Variants in MRPL1 observed in about 807,000 individuals in gnomAD.
MRPL1 encodes the protein mitochondrial ribosomal protein L1.
In MRPL1, 28 loss-of-function variants were observed where a neutral mutation model predicts 38.0. That is an observed-to-expected ratio of 0.74 (90% CI 0.55 to 1.01). The LOEUF is 1.01. Among genes scored for constraint, MRPL1 ranks in the 50% least tolerant of loss-of-function variants. The pLI is 0.00. For missense variants in MRPL1, 358 were observed against 389.8 expected, an observed-to-expected ratio of 0.92 and a Z score of 0.69; for synonymous variants, 123 against 126.7, an observed-to-expected ratio of 0.97 and a Z score of 0.20.
chr4:77,906,273 G>A (rs535890346), intron 6 of MRPL1, among the ~76,000 whole-genome samples: 1 of 152,238 alleles, frequency 6.6e-6, no homozygotes, highest in Admixed American at 6.5e-5. Flanking sequence ...TCAAGTCAGA[G>A]GAACACTGAG....
intron 1 of MRPL1, among the ~76,000 whole-genome samples, chr4:77,868,217 C>T (rs1334633219): frequency 1.3e-5 from 2 of 151,992 alleles, no homozygotes; most frequent in African/African-American, 2.4e-5. Context: ...CACGTGTCAC[C>T]ATGCCCAGCT....
intron 7 of MRPL1, among the ~76,000 whole-genome samples, chr4:77,919,865 G>A (rs929630600): frequency 6.6e-6 from 1 of 151,876 alleles, no homozygotes; most frequent in Non-Finnish European, 1.5e-5. Flanking sequence ...GTGTGTGTGT[G>A]TGTTTTCTAG....
chr4:77,881,212 T>C (rs75156403), intron 2 of MRPL1, among the ~76,000 whole-genome samples: 18,575 of 152,162 alleles, frequency 0.12, 1,588 homozygotes, highest in Non-Finnish European at 0.18. Context: ...AGGGCTTGAA[T>C]GGAAAGGAGG....
At chr4:77,906,605 G>C (rs1560467036) in intron 6 of MRPL1, among the ~76,000 whole-genome samples, 1 of 152,120 alleles carries the variant, frequency 6.6e-6, no homozygotes, top group Non-Finnish European at 1.5e-5. Flanking sequence ...GCCTTTGTTA[G>C]GGGCATAGAC....
At chr4:77,904,835 A>G (rs1397190698) in intron 6 of MRPL1, among the ~76,000 whole-genome samples, 3 of 152,244 alleles carry the variant, frequency 2.0e-5, no homozygotes, top group Non-Finnish European at 4.4e-5. Flanking sequence ...TCAAACACAG[A>G]AATTAATCCA....
chr4:77,867,763 T>C, intron 1 of MRPL1, among the ~76,000 whole-genome samples: 1 of 146,276 alleles, frequency 6.8e-6, no homozygotes, highest in Non-Finnish European at 1.5e-5. Context: ...TTTTTTTTTT[T>C]TTTTTTTTTT....
intron 7 of MRPL1, among the ~76,000 whole-genome samples, chr4:77,923,592 A>G (rs1461740961): frequency 6.6e-6 from 1 of 152,136 alleles, no homozygotes; most frequent in Non-Finnish European, 1.5e-5. Context: ...ATAGTAAAAA[A>G]TAATTTTTGT....
chr4:77,868,528 A>T (rs1201026250), intron 1 of MRPL1, among the ~76,000 whole-genome samples: 1 of 152,210 alleles, frequency 6.6e-6, no homozygotes, highest in African/African-American at 2.4e-5. Flanking sequence ...GGCATGAGCC[A>T]CCACGCCCGA....
chr4:77,867,585 T>G (rs1735174675), intron 1 of MRPL1, among the ~76,000 whole-genome samples: 1 of 152,102 alleles, frequency 6.6e-6, no homozygotes, highest in East Asian at 1.9e-4. Context: ...GGGGTCTCAC[T>G]ATGTTGCCCA....
At chr4:77,911,980 A>C (rs1736299696) in intron 7 of MRPL1, among the ~76,000 whole-genome samples, 2 of 152,178 alleles carry the variant, frequency 1.3e-5, no homozygotes, top group Non-Finnish European at 2.9e-5. Context: ...AAGAAAGTAA[A>C]AAACAAAAGC....
At chr4:77,877,643 G>C (rs2110232285) in intron 2 of MRPL1, among the ~76,000 whole-genome samples, 1 of 148,696 alleles carries the variant, frequency 6.7e-6, no homozygotes, top group Non-Finnish European at 1.5e-5. Flanking sequence ...AGTAGGCCCA[G>C]TGCAGCTGGA....
At chr4:77,873,924 A>G (rs59899206) in intron 2 of MRPL1, among the ~76,000 whole-genome samples, 51 of 152,022 alleles carry the variant, frequency 3.4e-4, no homozygotes, top group African/African-American at 1.2e-3. Flanking sequence ...GTCTGTGCAT[A>G]TGTAAGTACA....
At chr4:77,893,989 G>A in intron 5 of MRPL1, 150 bp from the exon 6 acceptor site, 1 of 562,756 alleles carries the variant, frequency 1.8e-6, no homozygotes, top group Non-Finnish European at 3.1e-6. Context: ...ATAATTGACA[G>A]GTGTATTTGT....
At chr4:77,920,045 A>G (rs1736529328) in intron 7 of MRPL1, among the ~76,000 whole-genome samples, 1 of 152,196 alleles carries the variant, frequency 6.6e-6, no homozygotes, top group Non-Finnish European at 1.5e-5. Context: ...AGATTTGCAT[A>G]GGTAATGCAC....
In MRPL1 at chr4:77,887,036, G is replaced by A. The variant is rs573949169; in HGVS notation, c.487-184G>A. Among the ~76,000 whole-genome samples, 23 of 152,108 alleles carry A rather than the reference G, an allele frequency of 1.5e-4. 1 individual carries two copies. The South Asian group carries it at 3.1e-3, about 21-fold the overall frequency. On this transcript the variant is annotated intron_variant, in intron 4 of 8. Coordinates refer to ENST00000315567, the MANE Select transcript of MRPL1 (RefSeq NM_020236.4). Reference sequence around the variant, plus strand: ...GAACTCCTGACCTCGGGAACTATCCGCCTCAGCCTCCCAAACTTCTGGGAT... The same window carrying A: ...GAACTCCTGACCTCGGGAACTATCCACCTCAGCCTCCCAAACTTCTGGGAT...
intron 5 of MRPL1, 86 bp from the exon 6 acceptor site, chr4:77,894,053 A>G (rs1013828231): frequency 9.9e-5 from 76 of 764,632 alleles, no homozygotes; most frequent in Non-Finnish European, 7.3e-5. Context: ...TTTCTGAATT[A>G]TAAAGGAAAT....
At chr4:77,869,741 C>T (rs1254023557) in intron 1 of MRPL1, among the ~76,000 whole-genome samples, 1 of 152,070 alleles carries the variant, frequency 6.6e-6, no homozygotes, top group Non-Finnish European at 1.5e-5. Flanking sequence ...AGGCATGCAC[C>T]AACACACTCA....
chr4:77,904,244 TA>T (rs879260489), intron 6 of MRPL1, among the ~76,000 whole-genome samples: 611 of 138,782 alleles, frequency 4.4e-3, no homozygotes, highest in Middle Eastern at 0.015. Flanking sequence ...GACTGTGTCT[TA>T]AAAAAAAAAA....
chr4:77,937,388 T>G (rs1362920999), intron 7 of MRPL1, among the ~76,000 whole-genome samples: 2 of 152,208 alleles, frequency 1.3e-5, no homozygotes, highest in African/African-American at 4.8e-5. Flanking sequence ...CCTCCCAGGT[T>G]TGATCTTAGA....
Sources: allele counts gnomAD v4.1 joint callset (sites outside exome capture counted in the v4.1 genomes callset), GRCh38; gene constraint gnomAD v4.1.1; transcripts MANE v1.5; gene names NCBI Gene and HGNC (gene_info 2026-07-23, HGNC 2026-07-21).